CSMD1: variants seen among roughly 807,000 people sequenced by gnomAD.
CSMD1 encodes the protein CUB and sushi domain-containing protein 1.
CSMD1 carries 213 observed loss-of-function variants against 417.5 expected under a neutral mutation model. The ratio of observed to expected loss-of-function variants is 0.51; its 90% CI spans 0.46 to 0.57. The LOEUF is 0.57. CSMD1 is among the 20% of genes least tolerant of loss of function. The probability of loss-of-function intolerance (pLI) is 0.00; values close to 1 mark genes in which losing one functional copy is unlikely to be tolerated. For synonymous variants in CSMD1, 2,862 were observed against 1,736.8 expected (o/e 1.65, Z -16.11); for missense variants, 6,923 against 4,529.7 (o/e 1.53, Z -15.17).
At chr8:4,411,080 C>T (rs1219578208) in intron 3 of CSMD1, among the ~76,000 whole-genome samples, 1 of 152,056 alleles carries the variant, frequency 6.6e-6, no homozygotes, top group Non-Finnish European at 1.5e-5. Flanking sequence ...TGAGGAAACC[C>T]AAGGCCCCCT....
intron 18 of CSMD1, among the ~76,000 whole-genome samples, chr8:3,380,794 G>A (rs1472742380): frequency 1.3e-5 from 2 of 151,980 alleles, no homozygotes; most frequent in African/African-American, 4.8e-5. Context: ...TAATGTAGAT[G>A]ATGGGTTGTT....
Position 4,503,584 on chromosome 8 carries a change from A to G in CSMD1, c.303-83519T>C, listed in dbSNP as rs554444419. Reference sequence around the variant, plus strand: ...ATTGGTATATGATAAACATATAAAAATAAAAATAACTGCATTGACCCAGCC... The same window carrying G: ...ATTGGTATATGATAAACATATAAAAGTAAAAATAACTGCATTGACCCAGCC... On this transcript the variant is annotated intron_variant, in intron 2 of 69. Transcript: ENST00000635120. Among the ~76,000 whole-genome samples, 3 of 152,306 alleles carry G rather than the reference A, an allele frequency of 2.0e-5. No homozygotes were observed. In the South Asian group the frequency reaches 6.2e-4, roughly 32 times the overall value.
intron 6 of CSMD1, among the ~76,000 whole-genome samples, chr8:3,749,552 T>TTA (rs1797223941): frequency 1.3e-5 from 2 of 152,092 alleles, no homozygotes; most frequent in African/African-American, 2.4e-5. Flanking sequence ...AAAGAATATT[T>TTA]TATGTTGGTT....
intron 3 of CSMD1, among the ~76,000 whole-genome samples, chr8:4,364,089 A>T (rs985673712): frequency 6.6e-6 from 1 of 152,222 alleles, no homozygotes; most frequent in African/African-American, 2.4e-5. Context: ...TTGAGGGAAT[A>T]GCTACCCCAT....
At chr8:4,112,588 A>C (rs1166700947) in intron 3 of CSMD1, among the ~76,000 whole-genome samples, 1 of 152,144 alleles carries the variant, frequency 6.6e-6, no homozygotes, top group African/African-American at 2.4e-5. Flanking sequence ...CTGACTTCAC[A>C]GTCTGTGCGT....
At chr8:3,461,886 C>T (rs1035744280) in intron 12 of CSMD1, among the ~76,000 whole-genome samples, 1 of 152,208 alleles carries the variant, frequency 6.6e-6, no homozygotes, top group Non-Finnish European at 1.5e-5. Context: ...GGGTCAGCAT[C>T]GCCCTGCTGC....
At chr8:4,751,362 G>A (rs1276492811) in intron 1 of CSMD1, among the ~76,000 whole-genome samples, 1 of 151,792 alleles carries the variant, frequency 6.6e-6, no homozygotes, top group Admixed American at 6.6e-5. Context: ...CTGCACTCCA[G>A]CCTGGACGAC....
At chr8:4,809,677 C>T (rs912160627) in intron 1 of CSMD1, among the ~76,000 whole-genome samples, 2 of 152,148 alleles carry the variant, frequency 1.3e-5, no homozygotes, top group African/African-American at 4.8e-5. Context: ...TTTAAAAAGG[C>T]TAAAACTGAG....
At chr8:3,482,376 T>G (rs11783144) in intron 11 of CSMD1, among the ~76,000 whole-genome samples, 107,736 of 151,964 alleles carry the variant, frequency 0.71, 38,347 homozygotes, top group Middle Eastern at 0.8. Flanking sequence ...GTGCCTATGT[T>G]AATATCTGAC....
intron 2 of CSMD1, among the ~76,000 whole-genome samples, chr8:4,446,755 C>CTGTGTGTGTGTGTGTGTG (rs58002310): frequency 7.5e-5 from 10 of 133,014 alleles, no homozygotes; most frequent in South Asian, 2.4e-4. Flanking sequence ...GTGTGTGTGT[C>CTGTGTGTGTGTGTGTGTG]TGTGTGTGTG....
intron 3 of CSMD1, among the ~76,000 whole-genome samples, chr8:4,150,204 G>A (rs1285488603): frequency 6.6e-6 from 1 of 152,124 alleles, no homozygotes; most frequent in African/African-American, 2.4e-5. Context: ...GTAGTCACAG[G>A]ATCGGCCCCA....
At chr8:3,313,098 G>A (rs891931691) in intron 23 of CSMD1, among the ~76,000 whole-genome samples, 1 of 152,172 alleles carries the variant, frequency 6.6e-6, no homozygotes, top group Non-Finnish European at 1.5e-5. Context: ...AGAAAAGAAT[G>A]TTTCCATGTT....
chr8:3,300,739 T>A (rs1804328026), intron 25 of CSMD1, among the ~76,000 whole-genome samples: 1 of 151,930 alleles, frequency 6.6e-6, no homozygotes, highest in Non-Finnish European at 1.5e-5. Flanking sequence ...GGCAGATCAT[T>A]GGAGGTCAGG....
chr8:3,422,073 T>C lies in CSMD1; in HGVS notation c.1562-12468A>G, dbSNP rs536193616. Among the ~76,000 whole-genome samples the C allele has an allele frequency of 2.7e-5, 4 of 149,548 alleles. No homozygotes were observed. In the East Asian group the frequency reaches 5.8e-4, roughly 22 times the overall value. On this transcript the variant is annotated intron_variant, in intron 12 of 69. Coordinates refer to ENST00000635120, the MANE Select transcript of CSMD1 (RefSeq NM_033225.6). ...AGCCCTGATGTCCTAGCGTGGATTCTATCATCTACACCTATCTACCCTTCC... is the reference window on the plus strand; with the variant it reads ...AGCCCTGATGTCCTAGCGTGGATTCCATCATCTACACCTATCTACCCTTCC...
In CSMD1 at chr8:4,402,375, C is replaced by G. The variant is rs79505047; in HGVS notation, c.415+17578G>C. Among the ~76,000 whole-genome samples the G allele has an allele frequency of 8.0e-3, 1,218 of 152,172 alleles. 14 individuals carry two copies. The highest frequency in any genetic ancestry group is 0.028 in the African/African-American group (1,149 of 41,520). On this transcript the variant is annotated intron_variant, in intron 3 of 69. Coordinates refer to ENST00000635120, the MANE Select transcript of CSMD1 (RefSeq NM_033225.6). ...TGACTGCACCCTCAATTCCCTTGTT[C>G]CTCTCTGGCTCTGACCTCTCCGCTA...
intron 2 of CSMD1, among the ~76,000 whole-genome samples, chr8:4,477,088 G>T (rs979174485): frequency 7.2e-5 from 11 of 152,204 alleles, no homozygotes; most frequent in African/African-American, 2.7e-4. Context: ...GGAAGAGCAG[G>T]TGTGAGCACT....
chr8:4,753,503 T>A (rs1356438481), intron 1 of CSMD1, among the ~76,000 whole-genome samples: 1 of 151,822 alleles, frequency 6.6e-6, no homozygotes, highest in African/African-American at 2.4e-5. Context: ...TCTTTTTCAT[T>A]TCGTACAAGC....
At chr8:3,765,511 C>T (rs1007637516) in intron 5 of CSMD1, among the ~76,000 whole-genome samples, 3 of 152,214 alleles carry the variant, frequency 2.0e-5, no homozygotes, top group African/African-American at 7.2e-5. Context: ...GGCATTGGTG[C>T]TAACTCAGAC....
intron 5 of CSMD1, among the ~76,000 whole-genome samples, chr8:3,883,196 C>T (rs548097213): frequency 1.9e-3 from 294 of 152,178 alleles, no homozygotes; most frequent in Non-Finnish European, 3.2e-3. Context: ...GCAAGAAATG[C>T]AATTTACTAG....
Sources: gnomAD v4.1 joint callset for allele counts (sites outside exome capture counted in the v4.1 genomes callset) on GRCh38, gnomAD v4.1.1 for gene constraint, MANE v1.5 for transcripts, NCBI Gene and HGNC (gene_info 2026-07-23, HGNC 2026-07-21) for gene names.